CLDN14: variants seen among roughly 807,000 people sequenced by gnomAD.
The protein encoded by CLDN14 is claudin-14.
In CLDN14, 2 loss-of-function variants were observed where a neutral mutation model predicts 2.1. The observed-to-expected ratio is 0.96, with a 90% CI of 0.39 to 3.01. The LOEUF (loss-of-function observed/expected upper bound fraction) is 3.01, where lower values mean the gene tolerates loss of function less well. Ranked by LOEUF, CLDN14 falls within the 30% of genes most tolerant of loss-of-function variation. The pLI is 0.09. For synonymous variants in CLDN14, 136 were observed against 154.4 expected, an observed-to-expected ratio of 0.88 and a Z score of 0.88; for missense variants, 298 against 328.0, an observed-to-expected ratio of 0.91 and a Z score of 0.71.
At chr21:36,572,077 A>G (rs756294779) in intron 1 of CLDN14, among the ~76,000 whole-genome samples, 2 of 152,156 alleles carry the variant, frequency 1.3e-5, no homozygotes, top group Non-Finnish European at 2.9e-5. Context: ...TTTATTTTAT[A>G]AGTGTGTTCT....
intron 1 of CLDN14, among the ~76,000 whole-genome samples, chr21:36,473,114 C>T (rs1362962472): frequency 6.6e-6 from 1 of 152,212 alleles, no homozygotes; most frequent in Non-Finnish European, 1.5e-5. Flanking sequence ...GCTAGCCCAC[C>T]CTGCAGAATT....
intron 1 of CLDN14, among the ~76,000 whole-genome samples, chr21:36,533,622 T>C (rs946730071): frequency 6.6e-6 from 1 of 152,136 alleles, no homozygotes; most frequent in African/African-American, 2.4e-5. Flanking sequence ...GTCACCATGG[T>C]AATAAATTGG....
At chr21:36,497,661 AT>A (rs973931378) in intron 2 of CLDN14, among the ~76,000 whole-genome samples, 8 of 152,078 alleles carry the variant, frequency 5.3e-5, no homozygotes, top group Non-Finnish European at 1.2e-4. Context: ...AAGCCCAGAA[AT>A]CAGTCCTCAT....
At chr21:36,546,643 C>A (rs538970977) in intron 1 of CLDN14, among the ~76,000 whole-genome samples, 13 of 152,292 alleles carry the variant, frequency 8.5e-5, no homozygotes, top group African/African-American at 3.1e-4. Flanking sequence ...AAACGCTTAC[C>A]TTTTTATTAC....
chr21:36,461,212 G>A lies in CLDN14; in HGVS notation c.484C>T (p.Gln162Ter). ...GAGATGAAGCCCAGGTACAGGGCCT[G>A]GCCAATCTCAAACTTCATGCCGCTG... ...LPSGMKFEIG[Q>*]ALYLGFISSS... The change falls in exon 2 of 2, where the codon CAG becomes TAG. Residue 162 changes from glutamine to a stop codon, truncating the protein, a stop_gained. Coordinates refer to ENST00000399135, the MANE Select transcript of CLDN14 (RefSeq NM_001146079.2). LOFTEE classifies it low-confidence loss of function (END_TRUNC). The A allele has an allele frequency of 6.2e-7, 1 of 1,614,096 alleles. No homozygotes were observed.
chr21:36,548,481 G>A (rs1485253973), intron 1 of CLDN14, among the ~76,000 whole-genome samples: 3 of 152,184 alleles, frequency 2.0e-5, no homozygotes, highest in Non-Finnish European at 2.9e-5. Flanking sequence ...GCAGCTCATC[G>A]AGGGAATCCT....
At chr21:36,537,636 CTTTG>C (rs1259988913) in intron 1 of CLDN14, among the ~76,000 whole-genome samples, 27 of 147,974 alleles carry the variant, frequency 1.8e-4, no homozygotes, top group Admixed American at 6.9e-5. Context: ...CTTCTTTTTT[CTTTG>C]TTTTTCTTTT....
intron 2 of CLDN14, among the ~76,000 whole-genome samples, chr21:36,505,381 G>A (rs150133049): frequency 6.6e-6 from 1 of 152,278 alleles, no homozygotes; most frequent in African/African-American, 2.4e-5. Context: ...CCCACCCCAA[G>A]CTGCTGGAGG....
At chr21:36,492,059 T>C (rs1455146898) in intron 2 of CLDN14, among the ~76,000 whole-genome samples, 1 of 151,970 alleles carries the variant, frequency 6.6e-6, no homozygotes, top group Non-Finnish European at 1.5e-5. Context: ...ATCCCAGCAC[T>C]TTGGGAGCTT....
intron 1 of CLDN14, among the ~76,000 whole-genome samples, chr21:36,530,372 AG>A (rs1042327642): frequency 7.2e-5 from 11 of 152,248 alleles, no homozygotes; most frequent in Admixed American, 7.2e-4. Context: ...GCAGGTCTGC[AG>A]TGACTCTGCC....
At chr21:36,575,968 T>A (rs2087738770) in intron 1 of CLDN14, among the ~76,000 whole-genome samples, 1 of 152,226 alleles carries the variant, frequency 6.6e-6, no homozygotes. Context: ...TTGAATTTTA[T>A]CTTTTCTTTG....
At chr21:36,484,405 C>T (rs748513733), upstream of CLDN14, among the ~76,000 whole-genome samples, 19 of 152,152 alleles carry the variant, frequency 1.2e-4, no homozygotes, top group Non-Finnish European at 2.6e-4. Flanking sequence ...TGCTGTAACA[C>T]AGTGCCACAT....
At chr21:36,555,314 G>C (rs1353438887) in intron 1 of CLDN14, among the ~76,000 whole-genome samples, 3 of 131,930 alleles carry the variant, frequency 2.3e-5, no homozygotes, top group African/African-American at 8.0e-5. Context: ...GCCAAAAGAG[G>C]AGGTCTTGGG....
In CLDN14 at chr21:36,479,677, C is replaced by G. The variant is rs188733; in HGVS notation, c.-264G>C. On this transcript the variant is annotated 5_prime_UTR_variant, in exon 1 of 2. It removes the in-frame stop codon of an upstream open reading frame in the 5' UTR. Coordinates refer to ENST00000399135, the MANE Select transcript of CLDN14 (RefSeq NM_001146079.2). ...GACGGAGTATTTGAGAGAAAATTGT[C>G]TAGACAATTACAGTGTTCCTTAGAA... 0.34 allele frequency: 51,756 copies of G among 152,130 alleles called. 10,934 individuals are homozygous for G. Among genetic ancestry groups the G allele is most frequent in the African/African-American group, 0.61 (25,136 of 41,510 alleles). The allele number at this position is 152,130 out of a possible 1,614,324, so 9.4% of individuals were successfully genotyped here.
intron 2 of CLDN14, among the ~76,000 whole-genome samples, chr21:36,501,149 A>T (rs1337330385): frequency 2.0e-5 from 3 of 152,112 alleles, no homozygotes; most frequent in Non-Finnish European, 4.4e-5. Context: ...GCCTTAGAAG[A>T]GAAAAGGATG....
At chr21:36,481,999 C>T (rs529264445), upstream of CLDN14, among the ~76,000 whole-genome samples, 1 of 152,146 alleles carries the variant, frequency 6.6e-6, no homozygotes, top group Non-Finnish European at 1.5e-5. Flanking sequence ...GTCTCCAGCC[C>T]TTCTCTCCCA....
rs3030068 is a variant in CLDN14, at chr21:36,490,949, G to GACACAC, written c.-82+19408_-82+19413dup. Among the ~76,000 whole-genome samples the GACACAC allele has an allele frequency of 5.0e-3, 743 of 148,850 alleles. 10 individuals are homozygous for GACACAC. Among genetic ancestry groups the GACACAC allele is most frequent in the African/African-American group, 0.016 (639 of 40,380 alleles). ...GTGGGCACACACATGCAAGTGCACAGACACACACACACACACACACACACA... is the reference window on the plus strand; with the variant it reads ...GTGGGCACACACATGCAAGTGCACAGACACACACACACACACACACACACACACACA... On this transcript the variant is annotated intron_variant, in intron 2 of 2. Coordinates refer to the CLDN14 transcript ENST00000342108.
intron 1 of CLDN14, among the ~76,000 whole-genome samples, chr21:36,553,146 G>T (rs1209235172): frequency 6.6e-6 from 1 of 152,204 alleles, no homozygotes; most frequent in Non-Finnish European, 1.5e-5. Context: ...TAGGACCAAG[G>T]CATTACACGT....
At chr21:36,534,354 G>A (rs1051385900) in intron 1 of CLDN14, among the ~76,000 whole-genome samples, 29 of 152,102 alleles carry the variant, frequency 1.9e-4, no homozygotes, top group Admixed American at 1.8e-3. Context: ...TGCAACACAC[G>A]GTTGACAGGA....
Sources: gnomAD v4.1 joint callset for allele counts (sites outside exome capture counted in the v4.1 genomes callset) on GRCh38, gnomAD v4.1.1 for gene constraint, MANE v1.5 for transcripts, NCBI Gene and HGNC (gene_info 2026-07-23, HGNC 2026-07-21) for gene names.